Variants in DNAI1 observed in about 807,000 individuals in gnomAD.
DNAI1 encodes dynein, axonemal, intermediate polypeptide 1.
DNAI1 carries 67 observed loss-of-function variants against 92.0 expected under a neutral mutation model. The observed-to-expected ratio is 0.73, with a 90% CI of 0.60 to 0.89. The LOEUF (loss-of-function observed/expected upper bound fraction) is 0.89. Ranked by LOEUF, DNAI1 falls within the 40% of genes least tolerant of loss-of-function variation. The pLI, the probability that DNAI1 is intolerant of heterozygous loss-of-function variation, is 0.00. For synonymous variants in DNAI1, 323 were observed against 319.6 expected, an observed-to-expected ratio of 1.01 and a Z score of -0.11; for missense variants, 839 against 866.6, an observed-to-expected ratio of 0.97 and a Z score of 0.40.
chr9:34,504,815 C>T (rs184087677), intron 12 of DNAI1, among the ~76,000 whole-genome samples: 1 of 152,300 alleles, frequency 6.6e-6, no homozygotes, highest in Non-Finnish European at 1.5e-5. Context: ...GGGCTAGTCC[C>T]CTGCCTTTGG....
chr9:34,488,230 G>T lies in DNAI1; in HGVS notation c.262-1093G>T, dbSNP rs560866061. The T allele has an allele frequency of 1.8e-4, 35 of 193,144 alleles. 1 individual carries two copies. In the South Asian group the frequency reaches 2.4e-3, roughly 13 times the overall value. 12.0% of individuals were successfully genotyped at this position (193,144 alleles called of 1,614,324 possible). A position where few individuals can be genotyped will look rare whatever the true frequency, so the allele number is the denominator to read the frequency against. On this transcript the variant is annotated intron_variant, in intron 4 of 19. Transcript: ENST00000242317. ...TTATAGATGAAGAACTTAGGGCTTAGAGTGGTTAAGCCCAAAGTCATGAAG... is the reference window on the plus strand; with the variant it reads ...TTATAGATGAAGAACTTAGGGCTTATAGTGGTTAAGCCCAAAGTCATGAAG...
Position 34,504,304 on chromosome 9 carries a change from C to A in DNAI1, c.1064-2323C>A, listed in dbSNP as rs1824884611. Among the ~76,000 whole-genome samples, 3 of 152,202 alleles carry A rather than the reference C, an allele frequency of 2.0e-5. No individual in the cohort carries two copies. The South Asian group carries it at 6.2e-4, about 31-fold the overall frequency. ...TACACTTTTAGGGATTTAAATCTTT[C>A]CTGATCATTTGTTTGTCAGCTTCAC... On this transcript the variant is annotated intron_variant, in intron 12 of 19. Transcript: ENST00000242317.
At chr9:34,508,931 G>T (rs949326812) in intron 13 of DNAI1, among the ~76,000 whole-genome samples, 2 of 152,150 alleles carry the variant, frequency 1.3e-5, no homozygotes, top group Admixed American at 1.3e-4. Flanking sequence ...GGACCCACCT[G>T]TCTCTCACTT....
rs1454471693 is a variant in DNAI1, at chr9:34,517,305, C to T, written c.1839C>T (p.Ala613=). The T allele has an allele frequency of 1.2e-6, 2 of 1,613,964 alleles. No individual in the cohort carries two copies. Among genetic ancestry groups the T allele is most frequent in the South Asian group, 1.1e-5 (1 of 91,024 alleles). The change falls in exon 19 of 20, where the codon GCC becomes GCT. Residue 613 remains alanine (A), a synonymous_variant. Coordinates refer to ENST00000242317, the MANE Select transcript of DNAI1 (RefSeq NM_012144.4). ...TDGKAHIFDL[A]INKYEAICNQ... ...CACAGGCCCACATATTTGACTTAGC[C>T]ATCAACAAGTATGAGGCCATCTGCA...
chr9:34,477,962 C>T (rs1399363073), intron 1 of DNAI1, among the ~76,000 whole-genome samples: 2 of 123,356 alleles, frequency 1.6e-5, no homozygotes, highest in Middle Eastern at 0.015. Flanking sequence ...TCTCAGCTCA[C>T]TGTGACCTCT....
At chr9:34,503,740 C>T (rs185258525) in intron 12 of DNAI1, among the ~76,000 whole-genome samples, 1 of 152,154 alleles carries the variant, frequency 6.6e-6, no homozygotes, top group Non-Finnish European at 1.5e-5. Context: ...TACCTGCTTC[C>T]CTTCTATAGC....
intron 1 of DNAI1, among the ~76,000 whole-genome samples, chr9:34,464,612 C>T (rs962745215): frequency 7.9e-5 from 12 of 151,840 alleles, no homozygotes; most frequent in African/African-American, 2.7e-4. Flanking sequence ...GCATGCATCA[C>T]GGTTTGTAAT....
Position 34,489,440 on chromosome 9 carries a change from T to C in DNAI1, c.379T>C (p.Leu127=), listed in dbSNP as rs368525505. The C allele has an allele frequency of 1.2e-6, 2 of 1,613,506 alleles. No individual in the cohort carries two copies. Among genetic ancestry groups the C allele is most frequent in the African/African-American group, 2.7e-5 (2 of 74,874 alleles). The change falls in exon 5 of 20, where the codon TTA becomes CTA. Residue 127 remains leucine (L), a synonymous_variant. Transcript: ENST00000242317. The part of the protein sequence containing the change: ...EGRRQHYRDE[L]VAGSQESVKV... ...ACGGCGGCAGCATTACCGCGATGAA[T>C]TAGTGGCAGGTAGGACTCTGGGCCA...
chr9:34,492,767 T>G (rs1360658973), intron 8 of DNAI1, among the ~76,000 whole-genome samples: 1 of 151,896 alleles, frequency 6.6e-6, no homozygotes, highest in East Asian at 1.9e-4. Flanking sequence ...ACAATCCACC[T>G]GCCTCAGCCT....
At chr9:34,459,151 G>A (rs367641912) in intron 1 of DNAI1, 98 bp downstream of exon 1, 1 of 1,206,108 alleles carries the variant, frequency 8.3e-7, no homozygotes, top group African/African-American at 1.5e-5. Flanking sequence ...TCTTTTCTCT[G>A]TTGACCCCAG....
chr9:34,494,933 C>G (rs1824688487), intron 9 of DNAI1, among the ~76,000 whole-genome samples: 1 of 152,222 alleles, frequency 6.6e-6, no homozygotes, highest in Non-Finnish European at 1.5e-5. Context: ...GTCACCTTCC[C>G]CATTGCCCAG....
At chr9:34,480,681 C>T (rs1177953098) in intron 1 of DNAI1, among the ~76,000 whole-genome samples, 1 of 152,188 alleles carries the variant, frequency 6.6e-6, no homozygotes, top group Admixed American at 6.5e-5. Flanking sequence ...CAGTGGCTCA[C>T]ATCTATAATC....
chr9:34,492,731 G>C (rs923190661), intron 8 of DNAI1, among the ~76,000 whole-genome samples: 7 of 151,328 alleles, frequency 4.6e-5, no homozygotes, highest in African/African-American at 1.5e-4. Flanking sequence ...ATGTTGCCTA[G>C]GCTGGTCTTG....
chr9:34,492,499 T>G (rs908931968), intron 8 of DNAI1, among the ~76,000 whole-genome samples: 6,242 of 42,006 alleles, frequency 0.15, 450 homozygotes, highest in South Asian at 0.23. Flanking sequence ...TGAAGATATA[T>G]ATATATATAT....
chr9:34,479,565 A>C (rs1018648634), intron 1 of DNAI1, among the ~76,000 whole-genome samples: 1 of 152,202 alleles, frequency 6.6e-6, no homozygotes, highest in Non-Finnish European at 1.5e-5. Context: ...TTTTACAGAC[A>C]TATTTACAGG....
At chr9:34,517,251 A>AC (rs761565342) in intron 18 of DNAI1, 34 bp from the exon 19 acceptor site, 28 of 1,606,684 alleles carry the variant, frequency 1.7e-5, no homozygotes, top group Non-Finnish European at 2.3e-5. Flanking sequence ...AGGCCTCATT[A>AC]CCCCTGAGTG....
intron 1 of DNAI1, among the ~76,000 whole-genome samples, chr9:34,481,617 T>C (rs1431042707): frequency 2.0e-5 from 3 of 152,212 alleles, no homozygotes; most frequent in Admixed American, 6.5e-5. Flanking sequence ...TCCCTTCTGA[T>C]GTTCAGATGT....
chr9:34,492,493 G>GAGATATATATATATATATATATATATAT (rs1271867592), intron 8 of DNAI1, among the ~76,000 whole-genome samples: 1 of 68,268 alleles, frequency 1.5e-5, no homozygotes, highest in Non-Finnish European at 3.1e-5. Context: ...GGGATATGAA[G>GAGATATATATATATATATATATATATAT]ATATATATAT....
intron 1 of DNAI1, among the ~76,000 whole-genome samples, chr9:34,473,560 GGGATTACAGGTGTGAGC>G (rs1449852195): frequency 1.3e-5 from 2 of 152,134 alleles, no homozygotes; most frequent in Non-Finnish European, 2.9e-5. Context: ...CCAAAGTGCC[GGGATTACAGGTGTGAGC>G]CACCATGCCC....
Sources: allele counts gnomAD v4.1 joint callset (sites outside exome capture counted in the v4.1 genomes callset), GRCh38; gene constraint gnomAD v4.1.1; transcripts MANE v1.5; gene names NCBI Gene and HGNC (gene_info 2026-07-23, HGNC 2026-07-21).